The following ENTREP2 variants were observed in gnomAD, a reference collection of about 807,000 sequenced individuals.
ENTREP2 encodes protein ENTREP2.
the ENTREP2 span, among the ~76,000 whole-genome samples, chr15:29,523,562 T>TC: frequency 0.021 from 1,902 of 88,956 alleles, 78 homozygotes; most frequent in African/African-American, 0.094. Flanking sequence ...CCCAGCTAGA[T>TC]TTTTTTTTTT....
At chr15:29,234,360 A>G in the ENTREP2 span, 3 of 1,581,562 alleles carry the variant, frequency 1.9e-6, no homozygotes, top group Non-Finnish European at 2.6e-6. Context: ...TCACTGTAAC[A>G]CAGAAATGTC....
the ENTREP2 span, among the ~76,000 whole-genome samples, chr15:29,648,868 G>T: frequency 6.6e-6 from 1 of 152,026 alleles, no homozygotes; most frequent in African/African-American, 2.4e-5. Flanking sequence ...GAACTAGGGA[G>T]GCGGAAGTTG....
At chr15:29,431,929 A>G in the ENTREP2 span, among the ~76,000 whole-genome samples, 1 of 152,188 alleles carries the variant, frequency 6.6e-6, no homozygotes, top group African/African-American at 2.4e-5. Context: ...GAAATAATGG[A>G]AACGCCGTGG....
the ENTREP2 span, among the ~76,000 whole-genome samples, chr15:29,187,661 C>A: frequency 2.0e-5 from 3 of 152,132 alleles, no homozygotes; most frequent in African/African-American, 7.2e-5. Flanking sequence ...CAGTGGCCAA[C>A]CCAGACACAG....
chr15:29,252,569 A>G, the ENTREP2 span: 1 of 669,082 alleles, frequency 1.5e-6, no homozygotes, highest in Non-Finnish European at 2.6e-6. Context: ...CATTTATTAT[A>G]CAACAGTTGA....
chr15:29,136,564 C>T, the ENTREP2 span: 5 of 1,516,466 alleles, frequency 3.3e-6, no homozygotes, highest in Non-Finnish European at 4.4e-6. Flanking sequence ...GCTGACAGCT[C>T]TCAAAGCCGC....
the ENTREP2 span, among the ~76,000 whole-genome samples, chr15:29,311,691 C>T: frequency 6.6e-6 from 1 of 151,678 alleles, no homozygotes; most frequent in Non-Finnish European, 1.5e-5. Flanking sequence ...CTCCATCCCC[C>T]CCCCAAAAAA....
chr15:29,563,594 G>T, the ENTREP2 span, among the ~76,000 whole-genome samples: 1 of 152,142 alleles, frequency 6.6e-6, no homozygotes, highest in Admixed American at 6.5e-5. Flanking sequence ...CACTTTGGGA[G>T]GCCAAGGCTG....
the ENTREP2 span, among the ~76,000 whole-genome samples, chr15:29,443,831 G>A: frequency 2.2e-4 from 34 of 152,210 alleles, no homozygotes; most frequent in African/African-American, 7.0e-4. Context: ...GGGGCCGGGC[G>A]CGGTGGCTCA....
the ENTREP2 span, among the ~76,000 whole-genome samples, chr15:29,574,275 G>A: frequency 4.6e-5 from 7 of 151,008 alleles, no homozygotes; most frequent in Admixed American, 4.6e-4. Flanking sequence ...CAAAACCATT[G>A]TTCTTTTGGG....
At chr15:29,163,469 A>T in the ENTREP2 span, among the ~76,000 whole-genome samples, 33 of 152,248 alleles carry the variant, frequency 2.2e-4, no homozygotes, top group Admixed American at 8.5e-4. Flanking sequence ...TAAAGAAAAA[A>T]AAATAAATAA....
At chr15:29,383,894 G>A in the ENTREP2 span, among the ~76,000 whole-genome samples, 1 of 152,164 alleles carries the variant, frequency 6.6e-6, no homozygotes, top group South Asian at 2.1e-4. Flanking sequence ...ACAGTTACCG[G>A]CGACAGACAT....
At chr15:29,609,430 G>A in the ENTREP2 span, among the ~76,000 whole-genome samples, 1 of 149,960 alleles carries the variant, frequency 6.7e-6, no homozygotes, top group African/African-American at 2.4e-5. Context: ...TCTAAGAGGT[G>A]ATTAGGCCAT....
At chr15:29,637,015 C>T in the ENTREP2 span, among the ~76,000 whole-genome samples, 1 of 152,076 alleles carries the variant, frequency 6.6e-6, no homozygotes, top group African/African-American at 2.4e-5. Flanking sequence ...AAAGTTTACT[C>T]CCCAGAAACT....
chr15:29,220,688 G>T, the ENTREP2 span, among the ~76,000 whole-genome samples: 4 of 152,132 alleles, frequency 2.6e-5, no homozygotes, highest in African/African-American at 9.6e-5. Flanking sequence ...AGAATCTAGG[G>T]TTTTCTTTGG....
the ENTREP2 span, among the ~76,000 whole-genome samples, chr15:29,143,998 C>T: frequency 1.3e-5 from 2 of 152,130 alleles, no homozygotes; most frequent in African/African-American, 4.8e-5. Context: ...TCGCCTGGAA[C>T]TAAATGACTT....
At chr15:29,135,210 G>A in the ENTREP2 span, among the ~76,000 whole-genome samples, 43 of 150,218 alleles carry the variant, frequency 2.9e-4, no homozygotes, top group East Asian at 1.4e-3. The surrounding 1 kb of genome is among the most constrained non-coding windows in gnomAD (Gnocchi z 7.4). Flanking sequence ...CCCAGTCCCC[G>A]AGGCCTCCAG....
the ENTREP2 span, among the ~76,000 whole-genome samples, chr15:29,137,494 A>AGGG: frequency 2.6e-5 from 4 of 152,288 alleles, no homozygotes; most frequent in Middle Eastern, 3.4e-3. Context: ...CTCTGATGAC[A>AGGG]GTACTCAAAG....
At chr15:29,640,004 G>A in the ENTREP2 span, among the ~76,000 whole-genome samples, 3 of 152,068 alleles carry the variant, frequency 2.0e-5, no homozygotes, top group African/African-American at 7.2e-5. Context: ...CCTGACGTCA[G>A]GCAGTCTGCC....
Sources: gnomAD v4.1 joint callset for allele counts (sites outside exome capture counted in the v4.1 genomes callset) on GRCh38, gnomAD v4.1.1 for gene constraint, Gnocchi (gnomAD v3.1) non-coding constraint, MANE v1.5 for transcripts, NCBI Gene and HGNC (gene_info 2026-07-23, HGNC 2026-07-21) for gene names.